The following FSD2 variants were observed in gnomAD, a reference collection of about 807,000 sequenced individuals.
FSD2 encodes fibronectin type III and SPRY domain-containing protein 2.
In FSD2, 71 loss-of-function variants were observed where a neutral mutation model predicts 80.4. The observed-to-expected ratio is 0.88, with a 90% CI of 0.73 to 1.08. The LOEUF (loss-of-function observed/expected upper bound fraction) is 1.08. Ranked by LOEUF, FSD2 falls within the 50% of genes least tolerant of loss-of-function variation. FSD2 has a pLI of 0.00. For synonymous variants in FSD2, 361 were observed against 329.5 expected, an observed-to-expected ratio of 1.10 and a Z score of -1.03; for missense variants, 923 against 913.8, an observed-to-expected ratio of 1.01 and a Z score of -0.13.
In FSD2 at chr15:82,769,794, C is replaced by T. The variant is rs377729879; in HGVS notation, c.1358G>A (p.Arg453Lys). Reference protein sequence around the residue: ...QYEFWVTAHNRAGPSPSSERA... With the variant: ...QYEFWVTAHNKAGPSPSSERA... ...CTCGCTAGAGGGGCTGGGGCCAGCC[C>T]TGTTGTGAGCTGTGACCCAAAATTC... is the stretch of plus-strand genomic sequence containing the variant. The change falls in exon 8 of 13, where the codon AGG becomes AAG. Residue 453 changes from arginine to lysine, a missense_variant. Transcript: ENST00000334574. The T allele has an allele frequency of 1.9e-6, 3 of 1,613,964 alleles. No individual in the cohort carries two copies. The highest frequency in any genetic ancestry group is 2.5e-6 in the Non-Finnish European group (3 of 1,179,894).
chr15:82,764,145 A>T (rs1176973035), intron 11 of FSD2, among the ~76,000 whole-genome samples: 1 of 152,174 alleles, frequency 6.6e-6, no homozygotes, highest in Admixed American at 6.5e-5. Context: ...GAAGCAGGAG[A>T]ACAGGGTCTG....
Position 82,755,663 on chromosome 15 carries a change from C to T in FSD2, c.*3685G>A, listed in dbSNP as rs2049160713. 1 of 152,576 alleles carries T rather than the reference C, an allele frequency of 6.6e-6. No homozygotes were observed. The highest frequency in any genetic ancestry group is 2.0e-4 in the South Asian group (1 of 4,912). 9.5% of individuals were successfully genotyped at this position (152,576 alleles called of 1,614,324 possible). A position where few individuals can be genotyped will look rare whatever the true frequency, so the allele number is the denominator to read the frequency against. ...ACAAGAACCACCACCTGTTCAGTAG[C>T]AACTCTAAAATAAGTACTAACTTAG... On this transcript the variant is annotated 3_prime_UTR_variant, in exon 13 of 13. Coordinates refer to ENST00000334574, the MANE Select transcript of FSD2 (RefSeq NM_001007122.4).
At position 82,757,264 on chromosome 15, in the gene FSD2, A is replaced by G. The variant is rs993420722; in HGVS notation, c.*2084T>C. The G allele has an allele frequency of 6.6e-6, 1 of 152,142 alleles. No individual in the cohort carries two copies. The highest frequency in any genetic ancestry group is 6.5e-5 in the Admixed American group (1 of 15,276). The allele number at this position is 152,142 out of a possible 1,614,324, so 9.4% of individuals were successfully genotyped here. ...TTCATACTAACGTGTAGTATTCCAT[A>G]AAGCCTATTAGAACCCTGAATTCAA... On this transcript the variant is annotated 3_prime_UTR_variant, in exon 13 of 13. Transcript: ENST00000334574.
At chr15:82,790,568 T>TGTGTGTGTGTGTG in intron 1 of FSD2, among the ~76,000 whole-genome samples, 3 of 88,962 alleles carry the variant, frequency 3.4e-5, no homozygotes, top group Non-Finnish European at 5.1e-5. Context: ...GTGTGTGTGT[T>TGTGTGTGTGTGTG]CGTGCGTGTG....
chr15:82,804,896 ACT>A (rs1314427235), intron 1 of FSD2, among the ~76,000 whole-genome samples: 1 of 152,092 alleles, frequency 6.6e-6, no homozygotes, highest in Non-Finnish European at 1.5e-5. Flanking sequence ...CAACACCTAG[ACT>A]CTTTCTTAAC....
At chr15:82,794,396 G>T (rs2050214718) in intron 1 of FSD2, among the ~76,000 whole-genome samples, 1 of 152,148 alleles carries the variant, frequency 6.6e-6, no homozygotes, top group Non-Finnish European at 1.5e-5. Flanking sequence ...TTATGGGCTA[G>T]CATATGGTCT....
intron 1 of FSD2, among the ~76,000 whole-genome samples, chr15:82,804,667 C>T (rs1253471327): frequency 6.6e-6 from 1 of 152,196 alleles, no homozygotes; most frequent in Non-Finnish European, 1.5e-5. Context: ...AATAAATCAT[C>T]ATGAGAAATT....
intron 1 of FSD2, among the ~76,000 whole-genome samples, chr15:82,801,953 C>T (rs1238834584): frequency 3.3e-5 from 5 of 152,290 alleles, no homozygotes; most frequent in South Asian, 2.1e-4. Context: ...GAGGCAGCAT[C>T]GCAAAGCCAG....
chr15:82,776,905 T>C (rs541815860), intron 6 of FSD2, among the ~76,000 whole-genome samples: 93 of 152,248 alleles, frequency 6.1e-4, no homozygotes, highest in African/African-American at 2.1e-3. Context: ...TGAAACAGAA[T>C]TGAGAGCCCA....
rs1401144780 is a variant in FSD2 at position 82,756,450 on chromosome 15, G to GTA, written c.*2896_*2897dup. 6.6e-6 allele frequency: 1 copy of GTA among 152,526 alleles called. No individual in the cohort carries two copies. 9.4% of individuals were successfully genotyped at this position (152,526 alleles called of 1,614,324 possible). A position where few individuals can be genotyped will look rare whatever the true frequency, so the allele number is the denominator to read the frequency against. ...TGCTCTGCTTTTTACTTTTGACCAA[G>GTA]TATACACTTCAGAAATATCTTATTG... On this transcript the variant is annotated 3_prime_UTR_variant, in exon 13 of 13. Transcript: ENST00000334574.
chr15:82,760,870 T>A (rs1422380025), intron 12 of FSD2, among the ~76,000 whole-genome samples: 4 of 152,176 alleles, frequency 2.6e-5, no homozygotes, highest in African/African-American at 9.7e-5. Flanking sequence ...TCTTACCCCC[T>A]TTATTCTTCC....
chr15:82,790,007 T>C (rs1409341860), intron 1 of FSD2, among the ~76,000 whole-genome samples: 1 of 152,114 alleles, frequency 6.6e-6, no homozygotes, highest in Non-Finnish European at 1.5e-5. Context: ...AAACCCTGTC[T>C]CTACTAAAAA....
intron 1 of FSD2, among the ~76,000 whole-genome samples, chr15:82,787,872 A>T (rs1281291396): frequency 5.3e-5 from 8 of 152,174 alleles, no homozygotes; most frequent in Middle Eastern, 3.4e-3. Flanking sequence ...CTTTGCCTCC[A>T]GGGTGCAAGC....
rs772261718 is a variant in FSD2, at chr15:82,768,944, G to A, written c.1489C>T (p.Pro497Ser). 1 of 1,608,188 alleles carries A rather than the reference G, an allele frequency of 6.2e-7. No individual in the cohort carries two copies. The highest frequency in any genetic ancestry group is 8.5e-7 in the Non-Finnish European group (1 of 1,177,456). The change falls in exon 9 of 13, where the codon CCT becomes TCT. Residue 497 changes from proline to serine, a missense_variant. Physicochemically the swap from Pro to Ser is moderately conservative, Grantham distance 74. Coordinates refer to ENST00000334574, the MANE Select transcript of FSD2 (RefSeq NM_001007122.4). Reference sequence around the variant, plus strand: ...AGCTCCACAGTGTACGAGTCCACAGGATTCAGGTTCCCAGACTCCCAGCAA... The same window carrying A: ...AGCTCCACAGTGTACGAGTCCACAGAATTCAGGTTCCCAGACTCCCAGCAA... ...LICWESGNLN[P>S]VDSYTVELTQ...
At chr15:82,775,295 G>C (rs2049689755) in intron 6 of FSD2, among the ~76,000 whole-genome samples, 1 of 151,876 alleles carries the variant, frequency 6.6e-6, no homozygotes, top group Non-Finnish European at 1.5e-5. Flanking sequence ...CTACTCGGGA[G>C]GCTGAGGCAG....
chr15:82,801,331 C>T (rs941285740), intron 1 of FSD2, among the ~76,000 whole-genome samples: 2 of 152,206 alleles, frequency 1.3e-5, no homozygotes, highest in African/African-American at 4.8e-5. Context: ...TTAATCGTGG[C>T]TACACCCTGC....
chr15:82,805,140 ATTTT>A (rs57346494), intron 1 of FSD2, among the ~76,000 whole-genome samples: 4 of 131,610 alleles, frequency 3.0e-5, no homozygotes, highest in Non-Finnish European at 1.6e-5. Flanking sequence ...TCCCCCAATA[ATTTT>A]TTTTTTTTTT....
chr15:82,783,748 C>G (rs969995333), intron 3 of FSD2, among the ~76,000 whole-genome samples: 1 of 152,138 alleles, frequency 6.6e-6, no homozygotes, highest in Non-Finnish European at 1.5e-5. Flanking sequence ...CATGAGGCTC[C>G]TCTTCACTCC....
At chr15:82,768,338 T>G (rs1368689791) in intron 9 of FSD2, among the ~76,000 whole-genome samples, 1 of 152,220 alleles carries the variant, frequency 6.6e-6, no homozygotes, top group East Asian at 1.9e-4. Flanking sequence ...TTCTTGGGGC[T>G]CAGTCTTTCC....
Sources: allele counts gnomAD v4.1 joint callset (sites outside exome capture counted in the v4.1 genomes callset), GRCh38; gene constraint gnomAD v4.1.1; transcripts MANE v1.5; gene names NCBI Gene and HGNC (gene_info 2026-07-23, HGNC 2026-07-21).